Variants in ARHGAP26 observed in about 807,000 individuals in gnomAD.
The protein encoded by ARHGAP26 is rho GTPase-activating protein 26.
A neutral mutation model predicts 104.8 loss-of-function variants in ARHGAP26; 38 were observed. The observed-to-expected ratio is 0.36, with a 90% CI of 0.28 to 0.48. The LOEUF (loss-of-function observed/expected upper bound fraction) is 0.48. Ranked by LOEUF, ARHGAP26 falls within the 20% of genes least tolerant of loss-of-function variation. The pLI is 0.99. For missense variants in ARHGAP26, 704 were observed against 947.9 expected (o/e 0.74, Z 3.38); for synonymous variants, 341 against 340.0 (o/e 1.00, Z -0.03).
chr5:143,218,134 T>C (rs1810612926), intron 22 of ARHGAP26, among the ~76,000 whole-genome samples: 1 of 152,238 alleles, frequency 6.6e-6, no homozygotes, highest in Admixed American at 6.5e-5. Flanking sequence ...CTGCGTGTTA[T>C]CTGTGGCACT....
chr5:142,995,026 A>G (rs1165053810), intron 11 of ARHGAP26, among the ~76,000 whole-genome samples: 1 of 152,264 alleles, frequency 6.6e-6, no homozygotes, highest in African/African-American at 2.4e-5. Context: ...CAGATGGATT[A>G]AAGACTTAAA....
intron 20 of ARHGAP26, among the ~76,000 whole-genome samples, 196 bp from the exon 21 acceptor site, chr5:143,207,002 A>T (rs565476608): frequency 5.9e-5 from 9 of 152,204 alleles, no homozygotes; most frequent in Non-Finnish European, 1.0e-4. Context: ...TACTCCGAGG[A>T]ATTACAGAAC....
chr5:142,946,084 A>G (rs181289829), intron 11 of ARHGAP26, among the ~76,000 whole-genome samples: 1 of 152,286 alleles, frequency 6.6e-6, no homozygotes, highest in East Asian at 1.9e-4. Context: ...TCCTCCCTTC[A>G]TCTAGGTAAT....
chr5:142,894,037 A>T, intron 5 of ARHGAP26, among the ~76,000 whole-genome samples: 1 of 151,672 alleles, frequency 6.6e-6, no homozygotes, highest in South Asian at 2.1e-4. Context: ...TTAAAAAAAT[A>T]TGTATTTAAG....
At chr5:142,963,773 T>A (rs777508028) in intron 11 of ARHGAP26, among the ~76,000 whole-genome samples, 6 of 152,204 alleles carry the variant, frequency 3.9e-5, no homozygotes, top group Non-Finnish European at 7.3e-5. Flanking sequence ...CCCACTATGT[T>A]TTCTTGTTTA....
intron 13 of ARHGAP26, among the ~76,000 whole-genome samples, chr5:143,038,100 A>G (rs537362080): frequency 1.3e-5 from 2 of 152,346 alleles, no homozygotes; most frequent in Non-Finnish European, 2.9e-5. Flanking sequence ...GCTATTAACC[A>G]TCTTTCCACT....
At chr5:142,869,663 CA>C (rs1476630117) in intron 1 of ARHGAP26, among the ~76,000 whole-genome samples, 1 of 151,974 alleles carries the variant, frequency 6.6e-6, no homozygotes, top group Non-Finnish European at 1.5e-5. Context: ...AAGTTTTACC[CA>C]AGGAGAAAAA....
At chr5:143,009,315 C>T (rs1257908643) in intron 11 of ARHGAP26, among the ~76,000 whole-genome samples, 1 of 152,202 alleles carries the variant, frequency 6.6e-6, no homozygotes, top group African/African-American at 2.4e-5. Flanking sequence ...TCATCGTCGT[C>T]ATTGTCATCA....
rs1811705325 is a variant in ARHGAP26, at chr5:143,226,644, G to A, written c.*4198G>A. 4.6e-6 allele frequency: 1 copy of A among 216,824 alleles called. No homozygotes were observed. Among genetic ancestry groups the A allele is most frequent in the African/African-American group, 2.3e-5 (1 of 44,286 alleles). 13.4% of individuals were successfully genotyped at this position (216,824 alleles called of 1,614,324 possible). A position where few individuals can be genotyped will look rare whatever the true frequency, so the allele number is the denominator to read the frequency against. ...TATAGGGATGGACCCTGTGCATTGT[G>A]GCCTGCCTTGGTGTCCTAGAATTGG... On this transcript the variant is annotated 3_prime_UTR_variant, in exon 23 of 23. Coordinates refer to ENST00000645722, the MANE Select transcript of ARHGAP26 (RefSeq NM_001135608.3).
chr5:142,944,095 A>G (rs1013575691), intron 11 of ARHGAP26, among the ~76,000 whole-genome samples: 1 of 152,196 alleles, frequency 6.6e-6, no homozygotes, highest in Non-Finnish European at 1.5e-5. Flanking sequence ...CTGGGTTTGT[A>G]GAGCCTCCTA....
At chr5:143,152,064 G>A (rs1398000853) in intron 20 of ARHGAP26, among the ~76,000 whole-genome samples, 2 of 152,196 alleles carry the variant, frequency 1.3e-5, no homozygotes, top group Non-Finnish European at 2.9e-5. Context: ...GTGATTGCCA[G>A]GGATTCTGGG....
At chr5:142,803,788 G>A (rs149588542) in intron 1 of ARHGAP26, among the ~76,000 whole-genome samples, 1 of 152,198 alleles carries the variant, frequency 6.6e-6, no homozygotes, top group Admixed American at 6.5e-5. Flanking sequence ...GAGGAGTCCA[G>A]CAGTGAACAT....
At chr5:142,836,778 A>C (rs145478046) in intron 1 of ARHGAP26, among the ~76,000 whole-genome samples, 1 of 152,342 alleles carries the variant, frequency 6.6e-6, no homozygotes, top group East Asian at 1.9e-4. Context: ...TTTGGATCAG[A>C]TACCATACTA....
At chr5:142,894,422 A>T in intron 6 of ARHGAP26, 74 bp downstream of exon 6, 1 of 1,387,352 alleles carries the variant, frequency 7.2e-7, no homozygotes, top group South Asian at 1.2e-5. Context: ...AGATTACAAA[A>T]TGCTCTAAGT....
chr5:143,154,503 A>G (rs76832821), intron 20 of ARHGAP26, among the ~76,000 whole-genome samples: 4,297 of 152,272 alleles, frequency 0.028, 272 homozygotes, highest in South Asian at 0.22. Context: ...CTTTTTCTCC[A>G]GTCCCTCAGC....
chr5:142,863,079 G>C (rs6874495), intron 1 of ARHGAP26, among the ~76,000 whole-genome samples: 10,002 of 151,926 alleles, frequency 0.066, 452 homozygotes, highest in African/African-American at 0.1. Context: ...CTACGGAAAG[G>C]GGTTGGCTCC....
chr5:143,195,329 G>A lies in ARHGAP26; in HGVS notation c.1989-11869G>A, dbSNP rs77332850. 6.1e-3 allele frequency among the ~76,000 whole-genome samples: 925 copies of A among 152,296 alleles called. 12 individuals carry two copies. The highest frequency in any genetic ancestry group is 0.021 in the African/African-American group (870 of 41,570). ...ATCTCCTCTCCAGGGTTACCTGTAAGCTGAAATGCCTTGGGCCACTGCTGC... is the reference window on the plus strand; with the variant it reads ...ATCTCCTCTCCAGGGTTACCTGTAAACTGAAATGCCTTGGGCCACTGCTGC... On this transcript the variant is annotated intron_variant, in intron 20 of 22. Coordinates refer to ENST00000645722, the MANE Select transcript of ARHGAP26 (RefSeq NM_001135608.3).
intron 19 of ARHGAP26, among the ~76,000 whole-genome samples, chr5:143,137,533 G>A (rs1798038539): frequency 1.3e-5 from 2 of 152,154 alleles, no homozygotes; most frequent in South Asian, 4.1e-4. Flanking sequence ...GCACCCATAG[G>A]CACATGCACA....
intron 1 of ARHGAP26, among the ~76,000 whole-genome samples, chr5:142,831,875 T>C (rs1294274272): frequency 1.3e-5 from 2 of 152,198 alleles, no homozygotes; most frequent in Non-Finnish European, 2.9e-5. Flanking sequence ...CCTTGCAACA[T>C]AGCTACCTAC....
Sources: gnomAD v4.1 joint callset for allele counts (sites outside exome capture counted in the v4.1 genomes callset) on GRCh38, gnomAD v4.1.1 for gene constraint, MANE v1.5 for transcripts, NCBI Gene and HGNC (gene_info 2026-07-23, HGNC 2026-07-21) for gene names.